Variants in DECR1 observed in about 807,000 individuals in gnomAD.
DECR1 encodes 2,4-dienoyl-CoA reductase 1.
A neutral mutation model predicts 38.8 loss-of-function variants in DECR1; 44 were observed. That is an observed-to-expected ratio of 1.13 (90% CI 0.89 to 1.46). The LOEUF (loss-of-function observed/expected upper bound fraction) is 1.46. Among genes scored for constraint, DECR1 ranks in the 40% most tolerant of loss-of-function variants. The pLI, the probability that DECR1 is intolerant of heterozygous loss-of-function variation, is 0.00. For missense variants in DECR1, 428 were observed against 405.5 expected, an observed-to-expected ratio of 1.06 and a Z score of -0.48; for synonymous variants, 148 against 135.2, an observed-to-expected ratio of 1.09 and a Z score of -0.66.
chr8:90,042,736 C>T lies in DECR1; in HGVS notation c.674C>T (p.Ala225Val). Reference protein sequence around the residue: ...AGVEAMSKSLAAEWGKYGMRF... With the variant: ...AGVEAMSKSLVAEWGKYGMRF... ...TTGATTTTAATTTTTAGGTCTCTTGCAGCTGAATGGGGTAAATATGGAATG... is the reference window on the plus strand; with the variant it reads ...TTGATTTTAATTTTTAGGTCTCTTGTAGCTGAATGGGGTAAATATGGAATG... The change falls in exon 7 of 10, where the codon GCA becomes GTA. Residue 225 changes from alanine to valine, a missense_variant. By Grantham distance (64) the Ala-to-Val change is moderately conservative. Transcript: ENST00000220764. The T allele has an allele frequency of 1.9e-6, 3 of 1,613,084 alleles. No individual in the cohort carries two copies. The highest frequency in any genetic ancestry group is 1.1e-5 in the South Asian group (1 of 91,054).
At chr8:90,033,320 A>G (rs561186552) in intron 5 of DECR1, among the ~76,000 whole-genome samples, 1 of 152,284 alleles carries the variant, frequency 6.6e-6, no homozygotes, top group East Asian at 1.9e-4. Context: ...AGGATGGACT[A>G]ACATAATATT....
chr8:90,051,576 C>G (rs941498816), intron 8 of DECR1, 101 bp from the exon 9 acceptor site: 1 of 861,574 alleles, frequency 1.2e-6, no homozygotes, highest in East Asian at 2.6e-5. Context: ...ATTTAAAGTG[C>G]CAAAGAGATA....
chr8:90,010,756 T>C (rs981048611), intron 1 of DECR1, among the ~76,000 whole-genome samples: 2 of 152,202 alleles, frequency 1.3e-5, no homozygotes, highest in Admixed American at 1.3e-4. Flanking sequence ...GATGTGGAAA[T>C]ATTTCATTAT....
chr8:90,044,850 G>C lies in DECR1; in HGVS notation c.740G>C (p.Gly247Ala). 1 of 1,605,100 alleles carries C rather than the reference G, an allele frequency of 6.2e-7. No homozygotes were observed. The highest frequency in any genetic ancestry group is 8.5e-7 in the Non-Finnish European group (1 of 1,176,594). ...CTAATTGTTTTCTTAATTTCTAAGGGTGCCTTTAGCCGTCTGGACCCAACT... is the reference window on the plus strand; with the variant it reads ...CTAATTGTTTTCTTAATTTCTAAGGCTGCCTTTAGCCGTCTGGACCCAACT... ...VIQPGPIKTK[G>A]AFSRLDPTGT... is the part of the protein sequence containing the mutation. The change falls in exon 8 of 10, where the codon GGT (glycine) becomes GCT (alanine). Residue 247 changes from glycine to alanine, a missense_variant and splice_region_variant. Coordinates refer to ENST00000220764, the MANE Select transcript of DECR1 (RefSeq NM_001359.2).
Position 90,007,723 on chromosome 8 carries a change from G to C in DECR1, c.69+6162G>C, listed in dbSNP as rs554808572. On this transcript the variant is annotated intron_variant, in intron 1 of 9. Transcript: ENST00000220764. ...GTCATGATAATGACATCAAAAGAGG[G>C]GGGAATTTTAAAGTTATCCAGAGTT... is the stretch of plus-strand genomic sequence containing the variant. Among the ~76,000 whole-genome samples the C allele has an allele frequency of 5.9e-5, 9 of 152,300 alleles. No homozygotes were observed. In the East Asian group the frequency reaches 1.5e-3, roughly 26 times the overall value.
At chr8:90,027,158 G>T (rs887837896) in intron 5 of DECR1, among the ~76,000 whole-genome samples, 2 of 152,116 alleles carry the variant, frequency 1.3e-5, no homozygotes, top group African/African-American at 4.8e-5. Flanking sequence ...GGTCAAGTTT[G>T]GAATAAGTGA....
chr8:90,040,720 A>G (rs1037347924), intron 6 of DECR1, among the ~76,000 whole-genome samples: 1 of 152,114 alleles, frequency 6.6e-6, no homozygotes, highest in Non-Finnish European at 1.5e-5. Flanking sequence ...AAGAACATGC[A>G]GTATTTGATT....
intron 1 of DECR1, among the ~76,000 whole-genome samples, chr8:90,010,462 C>T (rs945742426): frequency 9.2e-5 from 14 of 152,156 alleles, no homozygotes; most frequent in African/African-American, 1.4e-4. Context: ...AAAGAATGCA[C>T]GCATGGCCTT....
intron 7 of DECR1, 122 bp downstream of exon 7, chr8:90,042,922 AGGG>A: frequency 1.3e-6 from 1 of 790,254 alleles, no homozygotes; most frequent in Non-Finnish European, 2.1e-6. Flanking sequence ...CCCTGGTTCT[AGGG>A]AAGAGGCCTT....
In DECR1 at chr8:90,036,832, A is replaced by C; in HGVS notation, c.566-9A>C. On this transcript the variant is annotated splice_polypyrimidine_tract_variant and intron_variant, in intron 5 of 9. Coordinates refer to ENST00000220764, the MANE Select transcript of DECR1 (RefSeq NM_001359.2). ...ATTGCTAATCAACTGTATCCTTTTA[A>C]AATTTCAGGAGCAGCATTTCTTTCT... 1 of 1,599,266 alleles carries C rather than the reference A, an allele frequency of 6.3e-7. No homozygotes were observed. Among genetic ancestry groups the C allele is most frequent in the Non-Finnish European group, 8.6e-7 (1 of 1,168,200 alleles).
At chr8:90,024,015 G>C (rs1164107783) in intron 5 of DECR1, among the ~76,000 whole-genome samples, 1 of 152,074 alleles carries the variant, frequency 6.6e-6, no homozygotes, top group Non-Finnish European at 1.5e-5. Flanking sequence ...ATGGTTTCCA[G>C]CTCCATCCAT....
chr8:90,034,495 A>C (rs923030922), intron 5 of DECR1, among the ~76,000 whole-genome samples: 2 of 152,022 alleles, frequency 1.3e-5, no homozygotes, highest in Non-Finnish European at 2.9e-5. Context: ...CTTGTCACCC[A>C]GACTGGAGTG....
At position 90,001,529 on chromosome 8, in the gene DECR1, T is replaced by A. The variant is rs755380328; in HGVS notation, c.37T>A (p.Ser13Thr). 1 of 1,613,920 alleles carries A rather than the reference T, an allele frequency of 6.2e-7. No homozygotes were observed. The highest frequency in any genetic ancestry group is 1.7e-5 in the Admixed American group (1 of 60,020). Residue 13 changes from serine to threonine, a missense_variant, in exon 1 of 10, where the codon TCC becomes ACC. By Grantham distance (58) the Ser-to-Thr change is moderately conservative. Transcript: ENST00000220764. ...GGCCAGGGTTTTCTTTACTCTGGGGTCCCGGCTGCCCTGTGGCCTCGCTCC... is the reference window on the plus strand; with the variant it reads ...GGCCAGGGTTTTCTTTACTCTGGGGACCCGGCTGCCCTGTGGCCTCGCTCC... ...LPARVFFTLG[S>T]RLPCGLAPRR...
chr8:90,048,208 G>A lies in DECR1; in HGVS notation c.885+3213G>A, dbSNP rs185466246. Among the ~76,000 whole-genome samples the A allele has an allele frequency of 7.6e-3, 1,147 of 151,790 alleles. 14 individuals are homozygous for A. The highest frequency in any genetic ancestry group is 0.026 in the African/African-American group (1,073 of 41,438). ...TCAGAGCAGAACTGAAGGAGATAGAGACACAAAAAACCCTTCAAAAAATCA... is the reference window on the plus strand; with the variant it reads ...TCAGAGCAGAACTGAAGGAGATAGAAACACAAAAAACCCTTCAAAAAATCA... On this transcript the variant is annotated intron_variant, in intron 8 of 9. Coordinates refer to ENST00000220764, the MANE Select transcript of DECR1 (RefSeq NM_001359.2).
intron 1 of DECR1, among the ~76,000 whole-genome samples, chr8:90,016,224 G>C (rs1189986797): frequency 6.6e-6 from 1 of 152,186 alleles, no homozygotes; most frequent in Non-Finnish European, 1.5e-5. Context: ...AGAGGCATTT[G>C]ATTTAATAAT....
At chr8:90,007,507 G>A (rs893209465) in intron 1 of DECR1, among the ~76,000 whole-genome samples, 2 of 152,008 alleles carry the variant, frequency 1.3e-5, no homozygotes, top group African/African-American at 4.8e-5. Flanking sequence ...GATGTATCAG[G>A]TGAAGAGGAG....
At chr8:90,042,921 T>TAGGGAAG (rs1263589436) in intron 7 of DECR1, 121 bp downstream of exon 7, 1 of 798,432 alleles carries the variant, frequency 1.3e-6, no homozygotes, top group Non-Finnish European at 2.1e-6. Context: ...GCCCTGGTTC[T>TAGGGAAG]AGGGAAGAGG....
At chr8:90,048,035 G>A (rs1813957228) in intron 8 of DECR1, among the ~76,000 whole-genome samples, 2 of 152,204 alleles carry the variant, frequency 1.3e-5, no homozygotes, top group South Asian at 2.1e-4. Context: ...ATTTAAAGCA[G>A]TGTGTAGAGG....
intron 5 of DECR1, among the ~76,000 whole-genome samples, chr8:90,033,834 A>C (rs1193553244): frequency 2.0e-5 from 3 of 152,200 alleles, no homozygotes; most frequent in South Asian, 2.1e-4. Flanking sequence ...TAGTTGAAAG[A>C]TAGTGCACTT....
Sources: allele counts gnomAD v4.1 joint callset (sites outside exome capture counted in the v4.1 genomes callset), GRCh38; gene constraint gnomAD v4.1.1; transcripts MANE v1.5; gene names NCBI Gene and HGNC (gene_info 2026-07-23, HGNC 2026-07-21).